Variants in ATL1 observed in about 807,000 individuals in gnomAD.
ATL1 encodes atlastin-1.
In ATL1, 31 loss-of-function variants were observed where a neutral mutation model predicts 75.5. The ratio of observed to expected loss-of-function variants is 0.41; its 90% CI spans 0.31 to 0.55. The LOEUF is 0.55. ATL1 is among the 20% of genes least tolerant of loss of function. The pLI, the probability that ATL1 is intolerant of heterozygous loss-of-function variation, is 0.27. For missense variants in ATL1, 405 were observed against 662.6 expected, an observed-to-expected ratio of 0.61 and a Z score of 4.27; for synonymous variants, 226 against 233.3, an observed-to-expected ratio of 0.97 and a Z score of 0.28.
At chr14:50,620,135 G>A (rs1448596441) in intron 8 of ATL1, among the ~76,000 whole-genome samples, 2 of 152,156 alleles carry the variant, frequency 1.3e-5, no homozygotes, top group Non-Finnish European at 2.9e-5. Flanking sequence ...GTGTGTGCCT[G>A]TAGTCCCAGC....
chr14:50,558,036 T>A (rs183592582), upstream of ATL1, among the ~76,000 whole-genome samples: 8 of 152,318 alleles, frequency 5.3e-5, no homozygotes, highest in Admixed American at 2.0e-4. Context: ...ACAATTTTTT[T>A]AAAAGCTTCC....
intron 1 of ATL1, among the ~76,000 whole-genome samples, chr14:50,584,353 G>C (rs1045923949): frequency 6.6e-6 from 1 of 152,002 alleles, no homozygotes; most frequent in Non-Finnish European, 1.5e-5. Flanking sequence ...ACTCTGCCTG[G>C]GTAACAGAGT....
intron 1 of ATL1, among the ~76,000 whole-genome samples, chr14:50,554,793 A>T (rs959017526): frequency 1.3e-5 from 2 of 151,796 alleles, no homozygotes; most frequent in Non-Finnish European, 2.9e-5. Context: ...AAGTCCTCAC[A>T]AACTCATCCA....
At position 50,632,492 on chromosome 14, in the gene ATL1, G is replaced by T; in HGVS notation, c.*153G>T. On this transcript the variant is annotated 3_prime_UTR_variant, in exon 14 of 14. Coordinates refer to ENST00000358385, the MANE Select transcript of ATL1 (RefSeq NM_015915.5). Reference sequence around the variant, plus strand: ...AAACTGGATTAGTTCTTTTACTTCAGTGTTTAATAAGCAGATGTATGTATG... The same window carrying T: ...AAACTGGATTAGTTCTTTTACTTCATTGTTTAATAAGCAGATGTATGTATG... The T allele has an allele frequency of 1.7e-6, 1 of 600,702 alleles. No individual in the cohort carries two copies. The highest frequency in any genetic ancestry group is 1.7e-5 in the South Asian group (1 of 57,836). The allele number at this position is 600,702 out of a possible 1,614,324, so 37.2% of individuals were successfully genotyped here.
intron 8 of ATL1, 131 bp from the exon 9 acceptor site, chr14:50,620,468 A>T: frequency 3.1e-6 from 3 of 974,830 alleles, no homozygotes; most frequent in Non-Finnish European, 4.5e-6. Context: ...GGAGTCGCTT[A>T]AATGATGGGG....
Position 50,632,710 on chromosome 14 carries a change from T to A in ATL1, c.*371T>A, listed in dbSNP as rs937084022. Reference sequence around the variant, plus strand: ...GCTCATTTAATTTCTACAGAAAAAATTTTAAATTATTTCACATTAGCCATT... The same window carrying A: ...GCTCATTTAATTTCTACAGAAAAAAATTTAAATTATTTCACATTAGCCATT... On this transcript the variant is annotated 3_prime_UTR_variant, in exon 14 of 14. Coordinates refer to ENST00000358385, the MANE Select transcript of ATL1 (RefSeq NM_015915.5). 3.3e-5 allele frequency: 7 copies of A among 209,280 alleles called. No individual in the cohort carries two copies. Among genetic ancestry groups the A allele is most frequent in the East Asian group, 1.2e-4 (1 of 8,582 alleles). The allele number at this position is 209,280 out of a possible 1,614,324, so 13.0% of individuals were successfully genotyped here.
intron 8 of ATL1, among the ~76,000 whole-genome samples, chr14:50,614,749 A>C (rs1178038917): frequency 6.6e-6 from 1 of 152,184 alleles, no homozygotes; most frequent in Non-Finnish European, 1.5e-5. Context: ...GAGTTCACCC[A>C]GAAGGCAGTA....
chr14:50,631,887 G>A (rs1027128399), intron 13 of ATL1, among the ~76,000 whole-genome samples: 1 of 152,064 alleles, frequency 6.6e-6, no homozygotes, highest in African/African-American at 2.4e-5. Context: ...GAAGTTATGA[G>A]GTCTTACAAT....
Position 50,623,221 on chromosome 14 carries a change from G to A in ATL1, c.1092G>A (p.Lys364=). The A allele has an allele frequency of 1.2e-6, 2 of 1,613,860 alleles. No homozygotes were observed. Among genetic ancestry groups the A allele is most frequent in the South Asian group, 1.1e-5 (1 of 91,030 alleles). The change falls in exon 11 of 14, where the codon AAG becomes AAA. Residue 364 remains lysine, a synonymous_variant. Coordinates refer to ENST00000358385, the MANE Select transcript of ATL1 (RefSeq NM_015915.5). The part of the protein sequence containing the change: ...ANNLAAVATA[K]DTYNKKMEEI... Reference sequence around the variant, plus strand: ...ATTTAGCAGCCGTGGCAACTGCCAAGGACACATACAACAAAAAAATGGAAG... The same window carrying A: ...ATTTAGCAGCCGTGGCAACTGCCAAAGACACATACAACAAAAAAATGGAAG...
At chr14:50,625,757 A>G (rs2039512893) in intron 11 of ATL1, among the ~76,000 whole-genome samples, 1 of 152,096 alleles carries the variant, frequency 6.6e-6, no homozygotes, top group Admixed American at 6.6e-5. Context: ...AAAAATACAA[A>G]AAATTAGCCG....
chr14:50,623,926 G>A (rs1044692132), intron 11 of ATL1, among the ~76,000 whole-genome samples: 3 of 152,040 alleles, frequency 2.0e-5, no homozygotes, highest in Admixed American at 1.3e-4. Context: ...CTGATGGCAC[G>A]CACCTGTAAT....
intron 1 of ATL1, among the ~76,000 whole-genome samples, chr14:50,564,590 A>G (rs528378161): frequency 7.6e-6 from 1 of 131,902 alleles, no homozygotes; most frequent in East Asian, 2.6e-4. Context: ...CGGAGGTTGC[A>G]GTGAGCCAAG....
intron 1 of ATL1, among the ~76,000 whole-genome samples, chr14:50,567,681 C>G (rs1014315668): frequency 6.6e-5 from 10 of 152,062 alleles, no homozygotes; most frequent in African/African-American, 2.2e-4. Context: ...GATGTGATAT[C>G]TCATTGTAGT....
At chr14:50,565,810 G>A (rs1260948697) in intron 1 of ATL1, among the ~76,000 whole-genome samples, 1 of 151,992 alleles carries the variant, frequency 6.6e-6, no homozygotes. Context: ...TTTTAGATTT[G>A]GAAGGTCTTC....
intron 1 of ATL1, among the ~76,000 whole-genome samples, chr14:50,585,285 C>T (rs1457236389): frequency 6.6e-6 from 1 of 152,224 alleles, no homozygotes; most frequent in East Asian, 1.9e-4. Flanking sequence ...TTTCTATGTG[C>T]ATTCTCCAGT....
chr14:50,628,880 C>T (rs550422717), intron 12 of ATL1, among the ~76,000 whole-genome samples: 1 of 152,124 alleles, frequency 6.6e-6, no homozygotes, highest in East Asian at 1.9e-4. Context: ...CCATCCCCAG[C>T]TAAGTTTTTG....
intron 1 of ATL1, among the ~76,000 whole-genome samples, chr14:50,570,595 A>G (rs1428095129): frequency 3.3e-5 from 5 of 151,804 alleles, no homozygotes; most frequent in African/African-American, 9.7e-5. Context: ...TGAAATTTGT[A>G]TTTTGTTTGT....
Position 50,581,728 on chromosome 14 carries a change from T to C in ATL1, c.35-6103T>C, listed in dbSNP as rs536519149. 4.3e-4 allele frequency among the ~76,000 whole-genome samples: 65 copies of C among 152,318 alleles called. 1 individual carries two copies. The highest frequency in any genetic ancestry group is 2.0e-3 in the Admixed American group (30 of 15,300). On this transcript the variant is annotated intron_variant, in intron 1 of 13. Coordinates refer to ENST00000358385, the MANE Select transcript of ATL1 (RefSeq NM_015915.5). The stretch of plus-strand genomic sequence containing the variant: ...TTGAAGTTTATTGAGATCTGATTTA[T>C]AAGCCAGTACCTAGGCTATTTGGTA...
chr14:50,537,455 TCCTACTGAGGTACTG>T (rs1376601905), intron 1 of ATL1, among the ~76,000 whole-genome samples: 1 of 152,148 alleles, frequency 6.6e-6, no homozygotes, highest in East Asian at 1.9e-4. Flanking sequence ...CAGACAGAGT[TCCTACTGAGGTACTG>T]CCTAGTGGAG....
Sources: allele counts gnomAD v4.1 joint callset (sites outside exome capture counted in the v4.1 genomes callset), GRCh38; gene constraint gnomAD v4.1.1; transcripts MANE v1.5; gene names NCBI Gene and HGNC (gene_info 2026-07-23, HGNC 2026-07-21).